BPIFB1: variants seen among roughly 807,000 people sequenced by gnomAD.
The protein encoded by BPIFB1 is BPI fold-containing family B member 1.
Under a neutral mutation model 55.1 loss-of-function variants are expected in BPIFB1, and 34 were observed. The ratio of observed to expected loss-of-function variants is 0.62; its 90% confidence interval spans 0.47 to 0.82. The LOEUF is 0.82. Among genes scored for constraint, BPIFB1 ranks in the 40% least tolerant of loss-of-function variants. BPIFB1 has a pLI of 0.00. For synonymous variants in BPIFB1, 236 were observed against 245.3 expected (o/e 0.96, Z 0.35); for missense variants, 532 against 593.1 (o/e 0.90, Z 1.07).
intron 1 of BPIFB1, among the ~76,000 whole-genome samples, chr20:33,283,658 A>T (rs1041661163): frequency 1.3e-5 from 2 of 152,180 alleles, no homozygotes; most frequent in African/African-American, 4.8e-5. Context: ...AGTGGAGGAC[A>T]GTCAAAGAAG....
intron 12 of BPIFB1, 66 bp downstream of exon 12, chr20:33,304,091 T>C: frequency 1.4e-6 from 2 of 1,448,416 alleles, no homozygotes; most frequent in Non-Finnish European, 1.9e-6. Context: ...AACCATGGGT[T>C]TCTTTAAACA....
Position 33,287,850 on chromosome 20 carries a change from C to T in BPIFB1, c.116-891C>T, listed in dbSNP as rs1372668795. Among the ~76,000 whole-genome samples, 3 of 152,318 alleles carry T rather than the reference C, an allele frequency of 2.0e-5. No individual in the cohort carries two copies. In the East Asian group the frequency reaches 5.8e-4, roughly 29 times the overall value. ...CCACTGGGCAGTGACACCATAGGAA[C>T]CTGGAAAGAGAAGCACACCAGAGCC... On this transcript the variant is annotated intron_variant, in intron 2 of 15. Transcript: ENST00000253354.
intron 14 of BPIFB1, 60 bp downstream of exon 14, chr20:33,306,125 C>A: frequency 6.4e-7 from 1 of 1,574,276 alleles, no homozygotes; most frequent in Non-Finnish European, 8.7e-7. Context: ...ACTTCCCCTG[C>A]CCTCATCTCC....
In BPIFB1 at chr20:33,309,601, A is replaced by C. The variant is rs893936528; in HGVS notation, c.1396-107A>C. The stretch of plus-strand genomic sequence containing the variant: ...ATTCTGTATTTGTGGGTTCAGGGTC[A>C]TGGTCCCCCGGTGCCAGCAGTCACC... On this transcript the variant is annotated intron_variant, in intron 15 of 15. Coordinates refer to ENST00000253354, the MANE Select transcript of BPIFB1 (RefSeq NM_033197.3). This position sits in a 1 kb window ranked among gnomAD's most constrained non-coding sequence, Gnocchi z 4.4. The C allele has an allele frequency of 3.8e-6, 4 of 1,057,304 alleles. No homozygotes were observed. Among genetic ancestry groups the C allele is most frequent in the Non-Finnish European group, 5.8e-6 (4 of 685,454 alleles). 65.5% of individuals were successfully genotyped at this position (1,057,304 alleles called of 1,614,324 possible). A position where few individuals can be genotyped will look rare whatever the true frequency, so the allele number is the denominator to read the frequency against.
chr20:33,297,304 A>C (rs991902539), intron 6 of BPIFB1, among the ~76,000 whole-genome samples: 1 of 152,224 alleles, frequency 6.6e-6, no homozygotes, highest in Admixed American at 6.5e-5. Flanking sequence ...GGCCAAGCAC[A>C]CCCTGGGCAC....
rs201932060 is a variant in BPIFB1 at position 33,306,092 on chromosome 20, C to A, written c.1318+27C>A. On this transcript the variant is annotated intron_variant, in intron 14 of 15. Transcript: ENST00000253354. ...TGCATACCTCTGCCATCTGTGCCCC[C>A]TCTCTCCCCAGGGCTTGGCTTTACT... 1.1e-5 allele frequency: 18 copies of A among 1,612,830 alleles called. No individual in the cohort carries two copies. The South Asian group carries it at 1.9e-4, about 17-fold the overall frequency.
chr20:33,309,408 G>A lies in BPIFB1; in HGVS notation c.1396-300G>A, dbSNP rs531024439. Among the ~76,000 whole-genome samples, 35 of 152,196 alleles carry A rather than the reference G, an allele frequency of 2.3e-4. No individual in the cohort carries two copies. Among genetic ancestry groups the A allele is most frequent in the African/African-American group, 8.2e-4 (34 of 41,452 alleles). On this transcript the variant is annotated intron_variant, in intron 15 of 15. Transcript: ENST00000253354. The surrounding 1 kb of genome is among the most constrained non-coding windows in gnomAD (Gnocchi z 4.4). ...CCAAAGCAGGGGGTGATCAAGGCGGGTGCTAAGTGCAAATCCCACTTCTGC... is the reference window on the plus strand; with the variant it reads ...CCAAAGCAGGGGGTGATCAAGGCGGATGCTAAGTGCAAATCCCACTTCTGC...
rs1600669011 is a variant in BPIFB1 at position 33,302,988 on chromosome 20, C to T, written c.1054C>T (p.Gln352Ter). ...GGACACTCCCGAGTTTTTTATAGAC[C>T]AAGGCCATGCCAAGGTGGCCCAACT... is the stretch of plus-strand genomic sequence containing the variant. ...TQDTPEFFID[Q>*]GHAKVAQLIV... Residue 352 changes from glutamine (Q) to a stop codon, truncating the protein, a stop_gained, in exon 11 of 16, where the codon CAA (glutamine) becomes TAA (stop). Transcript: ENST00000253354. LOFTEE classifies it high-confidence loss of function. 6.2e-7 allele frequency: 1 copy of T among 1,614,110 alleles called. No individual in the cohort carries two copies. Among genetic ancestry groups the T allele is most frequent in the Non-Finnish European group, 8.5e-7 (1 of 1,180,022 alleles).
chr20:33,308,445 CACAT>C (rs1169503940), intron 15 of BPIFB1, among the ~76,000 whole-genome samples: 1 of 150,630 alleles, frequency 6.6e-6, no homozygotes, highest in Non-Finnish European at 1.5e-5. Context: ...CATGCACACA[CACAT>C]ATACACACAC....
At chr20:33,288,689 C>T in intron 2 of BPIFB1, 52 bp from the exon 3 acceptor site, 2 of 1,592,264 alleles carry the variant, frequency 1.3e-6, no homozygotes, top group Non-Finnish European at 1.7e-6. Flanking sequence ...TCCCACCAAG[C>T]CTTCCTTCTT....
intron 1 of BPIFB1, among the ~76,000 whole-genome samples, chr20:33,285,253 G>A (rs563468054): frequency 1.6e-4 from 24 of 152,224 alleles, no homozygotes; most frequent in Non-Finnish European, 3.1e-4. Context: ...TATGTTCTGA[G>A]ACCTTCCAAC....
rs780531645 is a variant in BPIFB1 at position 33,289,966 on chromosome 20, C to G, written c.339C>G (p.Pro113=). ...ANDQELLVKI[P]LDMVAGFNTP... ...ACCAGGAGCTGCTAGTCAAGATCCCCCTGGACATGGTGGCTGGATTCAACA... is the reference window on the plus strand; with the variant it reads ...ACCAGGAGCTGCTAGTCAAGATCCCGCTGGACATGGTGGCTGGATTCAACA... Residue 113 remains proline (P), a synonymous_variant, in exon 4 of 16, where the codon CCC becomes CCG. Transcript: ENST00000253354. 1 of 1,614,170 alleles carries G rather than the reference C, an allele frequency of 6.2e-7. No individual in the cohort carries two copies. The highest frequency in any genetic ancestry group is 8.5e-7 in the Non-Finnish European group (1 of 1,180,018).
intron 1 of BPIFB1, 116 bp downstream of exon 1, chr20:33,283,370 G>A (rs972653344): frequency 2.6e-5 from 4 of 152,576 alleles, no homozygotes; most frequent in African/African-American, 7.2e-5. Flanking sequence ...AAGGGCCCTC[G>A]GTGAGTCAGG....
Position 33,302,919 on chromosome 20 carries a change from G to A in BPIFB1, c.985G>A (p.Ala329Thr), listed in dbSNP as rs1243067623. Reference sequence around the variant, plus strand: ...TGTGGGTCTGATCTCCTTCCAGGCTGCAGATAAGCTGGGATCTACCCAGAT... The same window carrying A: ...TGTGGGTCTGATCTCCTTCCAGGCTACAGATAAGCTGGGATCTACCCAGAT... ...SSIGLINEKA[A>T]DKLGSTQIVK... The change falls in exon 11 of 16, where the codon GCA (alanine) becomes ACA (threonine). Residue 329 changes from alanine (A) to threonine (T), a missense_variant. By Grantham distance (58) the Ala-to-Thr change is moderately conservative. Transcript: ENST00000253354. 1.2e-6 allele frequency: 2 copies of A among 1,614,034 alleles called. No homozygotes were observed. Among genetic ancestry groups the A allele is most frequent in the Non-Finnish European group, 8.5e-7 (1 of 1,179,942 alleles).
At chr20:33,301,508 G>C in intron 9 of BPIFB1, 96 bp downstream of exon 9, 1 of 1,203,938 alleles carries the variant, frequency 8.3e-7, no homozygotes, top group Non-Finnish European at 1.2e-6. Context: ...TCCTCCATCA[G>C]GCTCAGTTTA....
At chr20:33,287,972 C>T (rs1980325791) in intron 2 of BPIFB1, among the ~76,000 whole-genome samples, 2 of 152,292 alleles carry the variant, frequency 1.3e-5, no homozygotes, top group Middle Eastern at 3.4e-3. Flanking sequence ...GGGCCCAGTT[C>T]CATTACCACA....
chr20:33,295,231 AAAAT>A (rs1056007598), intron 6 of BPIFB1, among the ~76,000 whole-genome samples: 63 of 150,978 alleles, frequency 4.2e-4, no homozygotes, highest in Middle Eastern at 3.4e-3. Flanking sequence ...AAAAAAATTA[AAAAT>A]AAATAAATAA....
chr20:33,285,277 C>G (rs928178340), intron 1 of BPIFB1, among the ~76,000 whole-genome samples: 2 of 151,906 alleles, frequency 1.3e-5, no homozygotes, highest in African/African-American at 4.8e-5. Flanking sequence ...TTGGAACTTG[C>G]TAGAACAAGG....
chr20:33,304,816 G>A, intron 12 of BPIFB1, 30 bp from the exon 13 acceptor site: 1 of 1,614,022 alleles, frequency 6.2e-7, no homozygotes, highest in Non-Finnish European at 8.5e-7. Context: ...GGACTTCAGG[G>A]GCCGCTCTCA....
Sources: gnomAD v4.1 joint callset for allele counts (sites outside exome capture counted in the v4.1 genomes callset) on GRCh38, gnomAD v4.1.1 for gene constraint, Gnocchi (gnomAD v3.1) non-coding constraint, MANE v1.5 for transcripts, NCBI Gene and HGNC (gene_info 2026-07-23, HGNC 2026-07-21) for gene names.